Variants in IL1RAPL2 observed in about 807,000 individuals in gnomAD.
The protein encoded by IL1RAPL2 is X-linked interleukin-1 receptor accessory protein-like 2.
A neutral mutation model predicts 44.1 loss-of-function variants in IL1RAPL2; 3 were observed. The observed-to-expected ratio is 0.07, with a 90% confidence interval of 0.03 to 0.18. The LOEUF (loss-of-function observed/expected upper bound fraction) is 0.18, where lower values mean the gene tolerates loss of function less well. IL1RAPL2 is among the 10% of genes least tolerant of loss of function. The probability of loss-of-function intolerance (pLI) is 1.00; values close to 1 mark genes in which losing one functional copy is unlikely to be tolerated. For synonymous variants in IL1RAPL2, 181 were observed against 178.8 expected (o/e 1.01, Z -0.10); for missense variants, 391 against 496.4 (o/e 0.79, Z 2.02).
At chrX:105,080,624 T>C (rs1450191018) in intron 2 of IL1RAPL2, among the ~76,000 whole-genome samples, 1 of 111,978 alleles carries the variant, frequency 8.9e-6, no homozygotes, top group Non-Finnish European at 1.9e-5. Flanking sequence ...ACTGTAGCCT[T>C]GTAGTATAGT....
At chrX:105,090,966 T>C (rs920440871) in intron 2 of IL1RAPL2, among the ~76,000 whole-genome samples, 1 of 112,020 alleles carries the variant, frequency 8.9e-6, no homozygotes, top group African/African-American at 3.2e-5. Context: ...CCTAGATACT[T>C]AGGGAAACTA....
chrX:105,312,870 T>C (rs1260666578), intron 5 of IL1RAPL2, among the ~76,000 whole-genome samples: 1 of 111,781 alleles, frequency 8.9e-6, no homozygotes, highest in Non-Finnish European at 1.9e-5. Context: ...TTTAAAAAAA[T>C]GAAACACTTT....
intron 2 of IL1RAPL2, among the ~76,000 whole-genome samples, chrX:104,965,766 G>A (rs1215506550): frequency 9.0e-6 from 1 of 111,693 alleles, no homozygotes. Flanking sequence ...AATATCAAAT[G>A]TATTTTACAG....
intron 5 of IL1RAPL2, among the ~76,000 whole-genome samples, chrX:105,417,342 G>A (rs921412458): frequency 1.8e-5 from 2 of 111,827 alleles, no homozygotes; most frequent in Non-Finnish European, 3.8e-5. Context: ...GTGTGGTGGC[G>A]TGTGCCTGTA....
chrX:105,103,960 C>A (rs1421928040), intron 2 of IL1RAPL2, among the ~76,000 whole-genome samples: 1 of 112,100 alleles, frequency 8.9e-6, no homozygotes, highest in African/African-American at 3.2e-5. Flanking sequence ...AAAGTCTACC[C>A]TGGTGGCTTC....
At chrX:105,376,172 T>C (rs1245752479) in intron 5 of IL1RAPL2, among the ~76,000 whole-genome samples, 3 of 112,035 alleles carry the variant, frequency 2.7e-5, no homozygotes, top group Non-Finnish European at 3.8e-5. Flanking sequence ...AGTATCTCAG[T>C]TCATACAGAT....
chrX:105,657,426 A>T, intron 6 of IL1RAPL2, among the ~76,000 whole-genome samples: 1 of 111,583 alleles, frequency 9.0e-6, no homozygotes, highest in Non-Finnish European at 1.9e-5. Flanking sequence ...TCTCTTTGGG[A>T]TGTCTCAGAT....
chrX:105,007,154 A>G (rs2030957728), intron 2 of IL1RAPL2, among the ~76,000 whole-genome samples: 1 of 111,715 alleles, frequency 9.0e-6, no homozygotes, highest in African/African-American at 3.2e-5. Flanking sequence ...AAATGAAGTT[A>G]CTTGTCTTTG....
chrX:104,884,735 T>G (rs1035593280), intron 2 of IL1RAPL2, among the ~76,000 whole-genome samples: 11 of 111,737 alleles, frequency 9.8e-5, no homozygotes, highest in African/African-American at 3.6e-4. Flanking sequence ...ATCCAAGCTT[T>G]CTTTTCATTG....
chrX:105,409,623 C>A, intron 5 of IL1RAPL2, among the ~76,000 whole-genome samples: 1 of 110,780 alleles, frequency 9.0e-6, no homozygotes, highest in Non-Finnish European at 1.9e-5. Context: ...CATGAAGGAG[C>A]CAACCACATG....
chrX:105,010,091 T>C (rs971479511), intron 2 of IL1RAPL2, among the ~76,000 whole-genome samples: 9 of 111,769 alleles, frequency 8.1e-5, no homozygotes, highest in African/African-American at 2.9e-4. Flanking sequence ...TTTGTTTTTG[T>C]TTTTAGTCAA....
At chrX:105,012,251 A>C (rs1475860684) in intron 2 of IL1RAPL2, among the ~76,000 whole-genome samples, 10 of 110,876 alleles carry the variant, frequency 9.0e-5, no homozygotes, top group Non-Finnish European at 1.9e-5. Flanking sequence ...CAAAGCAAGG[A>C]AGATAGATCT....
chrX:105,386,300 G>GA (rs945955395), intron 5 of IL1RAPL2, among the ~76,000 whole-genome samples: 1 of 111,198 alleles, frequency 9.0e-6, no homozygotes, highest in Non-Finnish European at 1.9e-5. Context: ...TTGTCTTACT[G>GA]AAAAAAATCA....
intron 1 of IL1RAPL2, among the ~76,000 whole-genome samples, chrX:104,631,474 A>G (rs2148011835): frequency 9.0e-6 from 1 of 110,873 alleles, no homozygotes; most frequent in East Asian, 2.9e-4. Context: ...AAGTGTTCCT[A>G]TTTCTCCACA....
chrX:105,505,100 TG>T (rs2036422269), intron 6 of IL1RAPL2, among the ~76,000 whole-genome samples: 1 of 111,424 alleles, frequency 9.0e-6, no homozygotes, highest in Non-Finnish European at 1.9e-5. Context: ...CTTCCTTACC[TG>T]AGTATGCTCC....
At chrX:105,019,660 T>C in intron 2 of IL1RAPL2, among the ~76,000 whole-genome samples, 1 of 111,760 alleles carries the variant, frequency 8.9e-6, no homozygotes, top group African/African-American at 3.2e-5. Context: ...TTTTTAAAAA[T>C]TGAGCTAGAA....
intron 6 of IL1RAPL2, among the ~76,000 whole-genome samples, chrX:105,557,371 A>G (rs1179878547): frequency 8.9e-6 from 1 of 111,884 alleles, no homozygotes; most frequent in Admixed American, 9.5e-5. Flanking sequence ...TAAAAGAAGT[A>G]ATGGTCTTTG....
chrX:105,047,563 G>T (rs1396051236), intron 2 of IL1RAPL2, among the ~76,000 whole-genome samples: 1 of 111,412 alleles, frequency 9.0e-6, no homozygotes, highest in Non-Finnish European at 1.9e-5. Flanking sequence ...AATGATGCAG[G>T]ATTCCTATGC....
At chrX:105,081,717 A>G (rs2032410391) in intron 2 of IL1RAPL2, among the ~76,000 whole-genome samples, 1 of 111,740 alleles carries the variant, frequency 8.9e-6, no homozygotes, top group Non-Finnish European at 1.9e-5. Flanking sequence ...CATTTCCTGC[A>G]TCGATTGAGA....
Sources: gnomAD v4.1 joint callset for allele counts (sites outside exome capture counted in the v4.1 genomes callset) on GRCh38, gnomAD v4.1.1 for gene constraint, MANE v1.5 for transcripts, NCBI Gene and HGNC (gene_info 2026-07-23, HGNC 2026-07-21) for gene names.